The following KLHL2 variants were observed in gnomAD, a reference collection of about 807,000 sequenced individuals.
KLHL2 encodes kelch like family member 2.
KLHL2 carries 15 observed loss-of-function variants against 75.8 expected under a neutral mutation model. That is an observed-to-expected ratio of 0.20 (90% CI 0.13 to 0.30). The LOEUF (loss-of-function observed/expected upper bound fraction) is 0.30. Among genes scored for constraint, KLHL2 ranks in the 10% least tolerant of loss-of-function variants. The probability of loss-of-function intolerance (pLI) is 1.00; values close to 1 mark genes in which losing one functional copy is unlikely to be tolerated. For synonymous variants in KLHL2, 214 were observed against 251.9 expected, an observed-to-expected ratio of 0.85 and a Z score of 1.42; for missense variants, 381 against 741.0, an observed-to-expected ratio of 0.51 and a Z score of 5.64.
chr4:165,267,680 TA>T (rs1742346417), intron 5 of KLHL2, among the ~76,000 whole-genome samples: 1 of 152,158 alleles, frequency 6.6e-6, no homozygotes, highest in Non-Finnish European at 1.5e-5. Context: ...TCATGGTGGA[TA>T]AGCTTTTTGA....
At position 165,228,897 on chromosome 4, in the gene KLHL2, T is replaced by G. The variant is rs1560986507; in HGVS notation, c.243T>G (p.Phe81Leu). The change falls in exon 3 of 15, where the codon TTT becomes TTG. Residue 81 changes from phenylalanine to leucine, a missense_variant. Phe to Leu is a conservative substitution (Grantham distance 22, BLOSUM62 0). This residue lies in a region of KLHL2 where 3 missense variants were observed against 30.2 expected (regional missense o/e 0.10). Transcript: ENST00000226725. ...TGCTGGCCGCCTGTAGTCCTTATTT[T>G]CATGCCATGTTTACAGGTATGAAAT... ...RVVLAACSPY[F>L]HAMFTGEMSE... The G allele has an allele frequency of 1.2e-6, 2 of 1,604,880 alleles. No individual in the cohort carries two copies. The highest frequency in any genetic ancestry group is 1.7e-6 in the Non-Finnish European group (2 of 1,172,238).
rs373700837 is a variant in KLHL2, at chr4:165,271,913, G to T, written c.544+8554G>T. ...TGCTTCAGTGTGCTTACTCTGATGA[G>T]TAAGGAAGCTTTTGGTACATAGATG... On this transcript the variant is annotated intron_variant, in intron 5 of 14. Transcript: ENST00000226725. Among the ~76,000 whole-genome samples, 37 of 152,290 alleles carry T rather than the reference G, an allele frequency of 2.4e-4. No individual in the cohort carries two copies. The East Asian group carries it at 4.1e-3, about 17-fold the overall frequency.
rs1239424723 is a variant in KLHL2, at chr4:165,311,520, C to G, written c.1294C>G (p.Pro432Ala). 1 of 1,613,944 alleles carries G rather than the reference C, an allele frequency of 6.2e-7. No individual in the cohort carries two copies. The highest frequency in any genetic ancestry group is 1.7e-5 in the Admixed American group (1 of 60,008). ...IKSNEWFHVA[P>A]MNTRRSSVGV... is the part of the protein sequence containing the mutation. ...GTCTAATGAGTGGTTTCATGTAGCT[C>G]CCATGAATACAAGGAGGAGCAGTGT... is the stretch of plus-strand genomic sequence containing the variant. Residue 432 changes from proline to alanine, a missense_variant, in exon 11 of 15, where the codon CCC becomes GCC. This residue lies in a region of KLHL2 where 168 missense variants were observed against 370.4 expected (regional missense o/e 0.45). Coordinates refer to ENST00000226725, the MANE Select transcript of KLHL2 (RefSeq NM_007246.4).
In KLHL2 at chr4:165,316,230, G is replaced by C. The variant is rs138482874; in HGVS notation, c.1610-1596G>C. ...CAGTGGGATGCTCTTTAATCTGTGA[G>C]CCCCTCATAGATATGATTGGGAAAA... is the stretch of plus-strand genomic sequence containing the variant. On this transcript the variant is annotated intron_variant, in intron 13 of 14. Coordinates refer to ENST00000226725, the MANE Select transcript of KLHL2 (RefSeq NM_007246.4). Among the ~76,000 whole-genome samples, 328 of 152,258 alleles carry C rather than the reference G, an allele frequency of 2.2e-3. 3 individuals carry two copies. Among genetic ancestry groups the C allele is most frequent in the African/African-American group, 7.2e-3 (298 of 41,562 alleles).
At chr4:165,316,117 TTG>T (rs1433118499) in intron 13 of KLHL2, among the ~76,000 whole-genome samples, 1 of 152,142 alleles carries the variant, frequency 6.6e-6, no homozygotes, top group Non-Finnish European at 1.5e-5. Flanking sequence ...GAATCTGGTG[TTG>T]TGAGTTAGTG....
At chr4:165,248,584 T>C (rs569358166) in intron 4 of KLHL2, among the ~76,000 whole-genome samples, 6 of 152,274 alleles carry the variant, frequency 3.9e-5, no homozygotes, top group African/African-American at 1.4e-4. Flanking sequence ...TAAAGCAGCA[T>C]TTTTGTTTTT....
In KLHL2 at chr4:165,207,954, G is replaced by T; in HGVS notation, c.26+52G>T. On this transcript the variant is annotated intron_variant, in intron 1 of 14. Transcript: ENST00000226725. This position sits in a 1 kb window ranked among gnomAD's most constrained non-coding sequence, Gnocchi z 4.2. ...CCGCTGCGGATAAGCGCGCCGCTGCGGCGCGTGTCGCCGGCCGCGGGCGCA... is the reference window on the plus strand; with the variant it reads ...CCGCTGCGGATAAGCGCGCCGCTGCTGCGCGTGTCGCCGGCCGCGGGCGCA... The T allele has an allele frequency of 1.6e-6, 2 of 1,274,374 alleles. No homozygotes were observed. Among genetic ancestry groups the T allele is most frequent in the Non-Finnish European group, 2.0e-6 (2 of 1,008,896 alleles). The allele number at this position is 1,274,374 out of a possible 1,614,324, so 78.9% of individuals were successfully genotyped here.
In KLHL2 at chr4:165,297,699, T is replaced by C. The variant is rs760472699; in HGVS notation, c.745T>C (p.Leu249=). 6.2e-7 allele frequency: 1 copy of C among 1,612,716 alleles called. No individual in the cohort carries two copies. The highest frequency in any genetic ancestry group is 1.7e-5 in the Admixed American group (1 of 60,020). ...ARLMEHVRLP[L]LPREYLVQRV... The stretch of plus-strand genomic sequence containing the variant: ...ACTGATGGAACATGTACGGTTACCT[T>C]TGCTTCCTCGGGAATATTTAGTTCA... Residue 249 remains leucine (L), a synonymous_variant, in exon 7 of 15, where the codon TTG becomes CTG. Transcript: ENST00000226725.
intron 1 of KLHL2, among the ~76,000 whole-genome samples, chr4:165,215,206 C>A (rs143362027): frequency 6.6e-6 from 1 of 152,126 alleles, no homozygotes; most frequent in Admixed American, 6.5e-5. Flanking sequence ...TAGACCCAAA[C>A]GTGTTTCCAA....
chr4:165,298,289 A>G (rs777710819), intron 7 of KLHL2, among the ~76,000 whole-genome samples: 1 of 151,946 alleles, frequency 6.6e-6, no homozygotes, highest in Non-Finnish European at 1.5e-5. Context: ...TTTTCTTTCC[A>G]TAGTCTCTTC....
At chr4:165,300,746 T>G (rs1475358195) in intron 8 of KLHL2, among the ~76,000 whole-genome samples, 2 of 152,224 alleles carry the variant, frequency 1.3e-5, no homozygotes, top group African/African-American at 4.8e-5. Context: ...TTTATGTATT[T>G]ATTTTTAACT....
At chr4:165,266,777 T>G (rs1465737145) in intron 5 of KLHL2, among the ~76,000 whole-genome samples, 1 of 152,204 alleles carries the variant, frequency 6.6e-6, no homozygotes, top group East Asian at 1.9e-4. Context: ...TTGTTCTTTT[T>G]GCTTAAGATT....
rs141117471 is a variant in KLHL2, at chr4:165,322,135, C to G, written c.*75C>G. 7.5e-7 allele frequency: 1 copy of G among 1,325,522 alleles called. No homozygotes were observed. Among genetic ancestry groups the G allele is most frequent in the African/African-American group, 1.4e-5 (1 of 69,264 alleles). The allele number at this position is 1,325,522 out of a possible 1,614,324, so 82.1% of individuals were successfully genotyped here. A position where few individuals can be genotyped will look rare whatever the true frequency, so the allele number is the denominator to read the frequency against. On this transcript the variant is annotated 3_prime_UTR_variant, in exon 15 of 15. Transcript: ENST00000226725. The stretch of plus-strand genomic sequence containing the variant: ...AAGTATTTGTGAAGTGACTGAGAAT[C>G]TAGCACTTCTCCACTTGTAGCTGCA...
chr4:165,218,376 C>T (rs1363406974), intron 1 of KLHL2, among the ~76,000 whole-genome samples: 1 of 152,142 alleles, frequency 6.6e-6, no homozygotes, highest in Non-Finnish European at 1.5e-5. Context: ...TGGAACATAC[C>T]AGGTACATAT....
At position 165,319,708 on chromosome 4, in the gene KLHL2, G is replaced by A. The variant is rs887536955; in HGVS notation, c.1753+1739G>A. Among the ~76,000 whole-genome samples, 12 of 152,018 alleles carry A rather than the reference G, an allele frequency of 7.9e-5. No individual in the cohort carries two copies. The highest frequency in any genetic ancestry group is 7.2e-4 in the Admixed American group (11 of 15,258). On this transcript the variant is annotated intron_variant, in intron 14 of 14. Transcript: ENST00000226725. The surrounding 1 kb of genome is among the most constrained non-coding windows in gnomAD (Gnocchi z 4.5). ...GTGATCTCAGATCACTGCAACCTCC[G>A]CCTCCCAGATTCAAACGATTCTCAT... is the stretch of plus-strand genomic sequence containing the variant.
chr4:165,219,410 C>T (rs1015890748), intron 1 of KLHL2, among the ~76,000 whole-genome samples: 2 of 152,188 alleles, frequency 1.3e-5, no homozygotes, highest in Admixed American at 1.3e-4. Flanking sequence ...ATGGTAAATA[C>T]TCAATAACTA....
chr4:165,250,600 C>G (rs1233061217), intron 4 of KLHL2, among the ~76,000 whole-genome samples: 5 of 152,170 alleles, frequency 3.3e-5, no homozygotes, highest in Non-Finnish European at 5.9e-5. Context: ...TGTTTCTCAG[C>G]TATTAAATGA....
intron 4 of KLHL2, among the ~76,000 whole-genome samples, chr4:165,261,435 G>T (rs1315864420): frequency 1.3e-5 from 2 of 152,194 alleles, no homozygotes; most frequent in Non-Finnish European, 2.9e-5. Context: ...CTGCCTCCAG[G>T]GTTCAAGTGA....
intron 4 of KLHL2, among the ~76,000 whole-genome samples, chr4:165,253,966 A>G (rs559215100): frequency 6.6e-6 from 1 of 152,344 alleles, no homozygotes; most frequent in South Asian, 2.1e-4. Flanking sequence ...CCAGATCCAG[A>G]TCCAGTGCTG....
Sources: gnomAD v4.1 joint callset for allele counts (sites outside exome capture counted in the v4.1 genomes callset) on GRCh38, gnomAD v4.1.1 for gene constraint, gnomAD v4.1.1 regional missense constraint, Gnocchi (gnomAD v3.1) non-coding constraint, MANE v1.5 for transcripts, NCBI Gene and HGNC (gene_info 2026-07-23, HGNC 2026-07-21) for gene names.